Variants in KRAS observed in about 807,000 individuals in gnomAD.
KRAS encodes the protein GTPase KRas.
KRAS carries 1 observed loss-of-function variant against 21.0 expected under a neutral mutation model. The observed-to-expected ratio is 0.05, with a 90% CI of 0.02 to 0.23. The LOEUF is 0.23. KRAS is among the 10% of genes least tolerant of loss of function. KRAS has a pLI of 1.00. For missense variants in KRAS, 107 were observed against 221.8 expected, an observed-to-expected ratio of 0.48 and a Z score of 3.29; for synonymous variants, 67 against 72.5, an observed-to-expected ratio of 0.92 and a Z score of 0.39.
At chr12:25,231,918 A>G (rs1416263341) in intron 2 of KRAS, among the ~76,000 whole-genome samples, 1 of 152,206 alleles carries the variant, frequency 6.6e-6, no homozygotes, top group African/African-American at 2.4e-5. Flanking sequence ...CAAAAATTAT[A>G]TATTAATAAA....
rs528107590 is a variant in KRAS at position 25,227,793 on chromosome 12, T to C, written c.112-381A>G. On this transcript the variant is annotated intron_variant, in intron 2 of 4. Transcript: ENST00000311936. ...ATGCCATTGTGGAAAACAGTGGTAGTTCCTCAAAAAGTTAAACACAGAATT... is the reference window on the plus strand; with the variant it reads ...ATGCCATTGTGGAAAACAGTGGTAGCTCCTCAAAAAGTTAAACACAGAATT... Among the ~76,000 whole-genome samples the C allele has an allele frequency of 6.6e-5, 10 of 152,326 alleles. 2 individuals are homozygous for C. The South Asian group carries it at 1.9e-3, about 28-fold the overall frequency.
intron 2 of KRAS, among the ~76,000 whole-genome samples, chr12:25,239,206 C>T (rs1951579818): frequency 6.6e-6 from 1 of 151,892 alleles, no homozygotes; most frequent in Non-Finnish European, 1.5e-5. Context: ...CTTTAGTACC[C>T]CCCATCCCTT....
At chr12:25,236,282 T>C (rs1181720995) in intron 2 of KRAS, among the ~76,000 whole-genome samples, 1 of 152,136 alleles carries the variant, frequency 6.6e-6, no homozygotes, top group Non-Finnish European at 1.5e-5. Context: ...TTACTAGCAT[T>C]ATCATGACAA....
chr12:25,225,932 G>A (rs988509648), intron 3 of KRAS, among the ~76,000 whole-genome samples, 159 bp from the exon 4 acceptor site: 1 of 151,864 alleles, frequency 6.6e-6, no homozygotes, highest in African/African-American at 2.4e-5. Flanking sequence ...TAGTTATTTT[G>A]TTTCTTTACC....
At chr12:25,246,732 C>G (rs535056277) in intron 1 of KRAS, among the ~76,000 whole-genome samples, 6 of 151,744 alleles carry the variant, frequency 4.0e-5, no homozygotes, top group African/African-American at 1.2e-4. Flanking sequence ...CTGGCTAACC[C>G]GGTGAAACCC....
chr12:25,221,024 CAA>C (rs67015511), intron 4 of KRAS, among the ~76,000 whole-genome samples: 193 of 84,780 alleles, frequency 2.3e-3, no homozygotes, highest in Middle Eastern at 6.8e-3. Context: ...GACTCTGCCT[CAA>C]AAAAAAAAAA....
In KRAS at chr12:25,245,479, C is replaced by T. The variant is rs1951666140; in HGVS notation, c.-11-84G>A. 5 of 1,290,742 alleles carry T rather than the reference C, an allele frequency of 3.9e-6. No individual in the cohort carries two copies. The Admixed American group carries it at 8.4e-5, about 22-fold the overall frequency. The allele number at this position is 1,290,742 out of a possible 1,614,324, so 80.0% of individuals were successfully genotyped here. A position where few individuals can be genotyped will look rare whatever the true frequency, so the allele number is the denominator to read the frequency against. Reference sequence around the variant, plus strand: ...TACACTATCAAATACTCCACCAGTACCTTTTAATACAAACTCACCTTTATA... The same window carrying T: ...TACACTATCAAATACTCCACCAGTATCTTTTAATACAAACTCACCTTTATA... On this transcript the variant is annotated intron_variant, in intron 1 of 4. Coordinates refer to ENST00000311936, the MANE Select transcript of KRAS (RefSeq NM_004985.5).
At position 25,209,016 on chromosome 12, in the gene KRAS, G is replaced by T; in HGVS notation, c.*779C>A. The stretch of plus-strand genomic sequence containing the variant: ...TCTTTTCAATTATTATAAAAATTTA[G>T]TAGCATGTAAATATAGCCCCAAAAT... On this transcript the variant is annotated 3_prime_UTR_variant, in exon 5 of 5. Transcript: ENST00000311936. The T allele has an allele frequency of 2.7e-6, 1 of 370,628 alleles. No individual in the cohort carries two copies. The highest frequency in any genetic ancestry group is 4.8e-6 in the Non-Finnish European group (1 of 209,812). The allele number at this position is 370,628 out of a possible 1,614,324, so 23.0% of individuals were successfully genotyped here. A position where few individuals can be genotyped will look rare whatever the true frequency, so the allele number is the denominator to read the frequency against.
intron 2 of KRAS, among the ~76,000 whole-genome samples, chr12:25,231,036 C>T (rs1338101017): frequency 2.0e-5 from 3 of 150,142 alleles, no homozygotes; most frequent in African/African-American, 7.3e-5. Context: ...GGCATGGCTA[C>T]AGAGCATGTA....
chr12:25,239,214 CT>C (rs368035375), intron 2 of KRAS, among the ~76,000 whole-genome samples: 13 of 152,106 alleles, frequency 8.5e-5, no homozygotes, highest in African/African-American at 3.1e-4. Flanking sequence ...CCCCCCATCC[CT>C]TTTTTTCTAT....
chr12:25,230,061 T>C (rs1374422241), intron 2 of KRAS, among the ~76,000 whole-genome samples: 1 of 152,144 alleles, frequency 6.6e-6, no homozygotes, highest in East Asian at 1.9e-4. Flanking sequence ...CATGAGCCAC[T>C]GCGCCCAGCC....
chr12:25,219,179 G>T (rs1027054966), intron 4 of KRAS, among the ~76,000 whole-genome samples: 2 of 151,914 alleles, frequency 1.3e-5, no homozygotes, highest in Non-Finnish European at 2.9e-5. Context: ...CTTGTGATCC[G>T]CCTGCCTCAG....
chr12:25,222,251 T>C (rs1951336668), intron 4 of KRAS, among the ~76,000 whole-genome samples: 1 of 152,064 alleles, frequency 6.6e-6, no homozygotes, highest in Non-Finnish European at 1.5e-5. Context: ...AAGGAGGACT[T>C]GACATTTTCA....
At chr12:25,227,666 TA>T (rs772682517) in intron 2 of KRAS, among the ~76,000 whole-genome samples, 1 of 151,912 alleles carries the variant, frequency 6.6e-6, no homozygotes. Context: ...TGGCTATTAT[TA>T]AAAAAACAAA....
At chr12:25,239,087 A>G (rs1471467502) in intron 2 of KRAS, among the ~76,000 whole-genome samples, 1 of 152,246 alleles carries the variant, frequency 6.6e-6, no homozygotes, top group East Asian at 1.9e-4. Flanking sequence ...ATGAAAGTAC[A>G]GAAATGTTAT....
intron 1 of KRAS, among the ~76,000 whole-genome samples, chr12:25,246,532 T>G (rs564611262): frequency 6.6e-6 from 1 of 151,862 alleles, no homozygotes; most frequent in Non-Finnish European, 1.5e-5. Context: ...CACTCCAGAT[T>G]GGGTGACGGA....
intron 2 of KRAS, among the ~76,000 whole-genome samples, chr12:25,239,342 T>C (rs1235531730): frequency 1.3e-5 from 2 of 152,218 alleles, no homozygotes; most frequent in Non-Finnish European, 2.9e-5. Context: ...TTAATTTTTA[T>C]GCAGCCAGAT....
chr12:25,217,288 G>A (rs1222232529), intron 4 of KRAS, among the ~76,000 whole-genome samples: 1 of 152,140 alleles, frequency 6.6e-6, no homozygotes, highest in African/African-American at 2.4e-5. Flanking sequence ...ATTCTTTAGG[G>A]CACACTAATT....
At chr12:25,214,037 A>C (rs1424329957) in intron 4 of KRAS, among the ~76,000 whole-genome samples, 3 of 152,242 alleles carry the variant, frequency 2.0e-5, no homozygotes, top group Non-Finnish European at 4.4e-5. Context: ...TCAACATAAC[A>C]TGGGAAGCAT....
Sources: gnomAD v4.1 joint callset for allele counts (sites outside exome capture counted in the v4.1 genomes callset) on GRCh38, gnomAD v4.1.1 for gene constraint, MANE v1.5 for transcripts, NCBI Gene and HGNC (gene_info 2026-07-23, HGNC 2026-07-21) for gene names.